Variants in KCNIP4 observed in about 807,000 individuals in gnomAD.
KCNIP4 encodes potassium voltage-gated channel interacting protein 4.
Under a neutral mutation model 34.0 loss-of-function variants are expected in KCNIP4, and 12 were observed. That is an observed-to-expected ratio of 0.35 (90% CI 0.23 to 0.57). The LOEUF (loss-of-function observed/expected upper bound fraction) is 0.57. Among genes scored for constraint, KCNIP4 ranks in the 20% least tolerant of loss-of-function variants. KCNIP4 has a pLI of 0.83. For missense variants in KCNIP4, 238 were observed against 311.7 expected, an observed-to-expected ratio of 0.76 and a Z score of 1.78; for synonymous variants, 124 against 102.2, an observed-to-expected ratio of 1.21 and a Z score of -1.29.
chr4:21,159,382 T>TCTAAATATAAAATGATAC lies in KCNIP4; in HGVS notation c.62-276674_62-276673insGTATCATTTTATATTTAG, dbSNP rs1577808067. Among the ~76,000 whole-genome samples, 8 of 81,016 alleles carry TCTAAATATAAAATGATAC rather than the reference T, an allele frequency of 9.9e-5. 1 individual carries two copies. The highest frequency in any genetic ancestry group is 2.6e-4 in the African/African-American group (4 of 15,436). The allele number at this position is 81,016 out of a possible 152,430, so 53.1% of individuals were successfully genotyped here. A position where few individuals can be genotyped will look rare whatever the true frequency, so the allele number is the denominator to read the frequency against. On this transcript the variant is annotated intron_variant, in intron 1 of 8. Transcript: ENST00000382152. The stretch of plus-strand genomic sequence containing the variant: ...TATTTTTAGAAAATTATACTAAAGA[T>TCTAAATATAAAATGATAC]ATGTTTGAGGGGGAGGAGCCAAGAT...
chr4:21,337,940 C>T (rs1391723006), intron 1 of KCNIP4, among the ~76,000 whole-genome samples: 1 of 152,032 alleles, frequency 6.6e-6, no homozygotes, highest in Non-Finnish European at 1.5e-5. Flanking sequence ...TTTCTTATAT[C>T]ATAGGAAGTC....
chr4:21,101,611 G>A (rs1160970660), intron 1 of KCNIP4, among the ~76,000 whole-genome samples: 2 of 152,142 alleles, frequency 1.3e-5, no homozygotes, highest in South Asian at 4.1e-4. Flanking sequence ...GTCAATGGGA[G>A]TGACTATATG....
At chr4:21,067,724 G>A (rs1744533630) in intron 1 of KCNIP4, among the ~76,000 whole-genome samples, 1 of 152,136 alleles carries the variant, frequency 6.6e-6, no homozygotes, top group Non-Finnish European at 1.5e-5. Flanking sequence ...CCATAGGGAT[G>A]CTTGCATTAC....
chr4:21,175,320 C>T (rs1754325018), intron 1 of KCNIP4, among the ~76,000 whole-genome samples: 1 of 152,108 alleles, frequency 6.6e-6, no homozygotes. Context: ...ATCACATTGA[C>T]CAACTACAGT....
chr4:21,795,014 T>A (rs112163033), intron 1 of KCNIP4, among the ~76,000 whole-genome samples: 35 of 152,274 alleles, frequency 2.3e-4, no homozygotes, highest in African/African-American at 8.4e-4. Context: ...CCTTTTGTCC[T>A]TACTACAGAC....
At chr4:21,095,358 T>C (rs1747367461) in intron 1 of KCNIP4, among the ~76,000 whole-genome samples, 1 of 152,232 alleles carries the variant, frequency 6.6e-6, no homozygotes, top group South Asian at 2.1e-4. Flanking sequence ...TGATAATGTG[T>C]ATACTACTTT....
At chr4:21,844,973 G>C (rs576247086) in intron 1 of KCNIP4, 59 of 151,210 alleles carry the variant, frequency 3.9e-4, no homozygotes, top group Middle Eastern at 3.4e-3. Context: ...AAAAAAAGAG[G>C]TTCTAAAACT....
chr4:21,003,263 A>G (rs1007580683), intron 1 of KCNIP4, among the ~76,000 whole-genome samples: 8 of 152,208 alleles, frequency 5.3e-5, no homozygotes, highest in Admixed American at 3.3e-4. Context: ...ACCAACGTCT[A>G]TCTTCCCGGA....
chr4:21,832,637 T>A (rs1447577125), intron 1 of KCNIP4, among the ~76,000 whole-genome samples: 1 of 151,014 alleles, frequency 6.6e-6, no homozygotes, highest in East Asian at 2.0e-4. Context: ...ATGTGCACAA[T>A]GTGCAGGTTA....
rs3080785 is a variant in KCNIP4 at position 21,177,858 on chromosome 4, T to TTATA, written c.62-295153_62-295150dup. 2.7e-3 allele frequency among the ~76,000 whole-genome samples: 379 copies of TTATA among 139,310 alleles called. 4 individuals carry two copies. The highest frequency in any genetic ancestry group is 3.9e-3 in the East Asian group (19 of 4,850). 91.4% of individuals were successfully genotyped at this position (139,310 alleles called of 152,430 possible). A position where few individuals can be genotyped will look rare whatever the true frequency, so the allele number is the denominator to read the frequency against. ...GCAAGACTATGTCTCAAAAAAAAAATTATATATATATATATATATAAAATA... is the reference window on the plus strand; with the variant it reads ...GCAAGACTATGTCTCAAAAAAAAAATTATATATATATATATATATATATAAAATA... On this transcript the variant is annotated intron_variant, in intron 1 of 8. Transcript: ENST00000382152.
chr4:21,192,348 C>G (rs1208391632), intron 1 of KCNIP4, among the ~76,000 whole-genome samples: 1 of 152,132 alleles, frequency 6.6e-6, no homozygotes, highest in Non-Finnish European at 1.5e-5. Flanking sequence ...TAGAAACATT[C>G]TAAGATAAAC....
intron 1 of KCNIP4, among the ~76,000 whole-genome samples, chr4:21,127,789 C>T (rs528561135): frequency 2.0e-5 from 3 of 152,280 alleles, no homozygotes; most frequent in South Asian, 4.1e-4. Context: ...ATTTAGATTC[C>T]ATTGTTCTTT....
chr4:21,399,465 A>G (rs1015061340), intron 1 of KCNIP4, among the ~76,000 whole-genome samples: 3 of 152,230 alleles, frequency 2.0e-5, no homozygotes, highest in African/African-American at 7.2e-5. Flanking sequence ...GACATATTAA[A>G]TTAAGTTCCA....
intron 7 of KCNIP4, 80 bp from the exon 8 acceptor site, chr4:20,732,148 A>G (rs1748445413): frequency 3.1e-6 from 3 of 954,146 alleles, no homozygotes; most frequent in Non-Finnish European, 4.9e-6. Flanking sequence ...GCTGAAGCTG[A>G]TAAAAAGAAA....
intron 3 of KCNIP4, among the ~76,000 whole-genome samples, chr4:20,804,307 TCTC>T (rs1374568600): frequency 6.6e-6 from 1 of 152,180 alleles, no homozygotes; most frequent in Non-Finnish European, 1.5e-5. Flanking sequence ...AGCACTCTCT[TCTC>T]CTTATAATGT....
intron 1 of KCNIP4, among the ~76,000 whole-genome samples, chr4:21,346,158 AATATATAGAAATCTGTAATATATATTAT>A (rs1717313211): frequency 1.3e-4 from 3 of 23,108 alleles, no homozygotes. Flanking sequence ...TATAATATAT[AATATATAGAAATCTGTAATATATATTAT>A]ATATATAGAA....
intron 1 of KCNIP4, among the ~76,000 whole-genome samples, chr4:20,906,206 A>G (rs907143261): frequency 4.6e-5 from 7 of 151,860 alleles, no homozygotes; most frequent in African/African-American, 1.7e-4. Context: ...TGATGGGGCA[A>G]ATCACTATCA....
chr4:20,828,078 A>T (rs896130967), intron 3 of KCNIP4, among the ~76,000 whole-genome samples: 2 of 152,218 alleles, frequency 1.3e-5, no homozygotes, highest in Admixed American at 1.3e-4. Flanking sequence ...CAATTTCCTC[A>T]TGCCTTCATA....
At chr4:20,740,804 G>C (rs771118024) in intron 5 of KCNIP4, among the ~76,000 whole-genome samples, 1 of 152,138 alleles carries the variant, frequency 6.6e-6, no homozygotes, top group Non-Finnish European at 1.5e-5. Flanking sequence ...AGATCCATCA[G>C]TGTGCTGTAT....
Sources: allele counts gnomAD v4.1 joint callset (sites outside exome capture counted in the v4.1 genomes callset), GRCh38; gene constraint gnomAD v4.1.1; transcripts MANE v1.5; gene names NCBI Gene and HGNC (gene_info 2026-07-23, HGNC 2026-07-21).